The following LNPEP variants were observed in gnomAD, a reference collection of about 807,000 sequenced individuals.
LNPEP encodes leucyl and cystinyl aminopeptidase.
Under a neutral mutation model 120.6 loss-of-function variants are expected in LNPEP, and 64 were observed. That is an observed-to-expected ratio of 0.53 (90% CI 0.43 to 0.65). LNPEP has a LOEUF of 0.65. LNPEP is among the 30% of genes least tolerant of loss of function. The pLI is 0.00. For synonymous variants in LNPEP, 435 were observed against 425.4 expected, an observed-to-expected ratio of 1.02 and a Z score of -0.28; for missense variants, 1,057 against 1,200.0, an observed-to-expected ratio of 0.88 and a Z score of 1.76.
chr5:96,992,769 T>TA (rs991675825), intron 4 of LNPEP, among the ~76,000 whole-genome samples: 108 of 24,066 alleles, frequency 4.5e-3, no homozygotes, highest in African/African-American at 0.02. Context: ...GTTGCTAGCT[T>TA]AAAAAAAAGC....
At chr5:96,979,039 T>C in intron 1 of LNPEP, 99 bp from the exon 2 acceptor site, 1 of 1,373,280 alleles carries the variant, frequency 7.3e-7, no homozygotes, top group African/African-American at 1.4e-5. Context: ...TTAAAAAAAT[T>C]CTTAGTTTAA....
intron 6 of LNPEP, among the ~76,000 whole-genome samples, chr5:96,994,959 T>A (rs1045559283): frequency 6.6e-6 from 1 of 152,074 alleles, no homozygotes; most frequent in African/African-American, 2.4e-5. Context: ...AATACAAAAA[T>A]TAGCTGGGCG....
rs1343046290 is a variant in LNPEP at position 96,992,954 on chromosome 5, T to G, written c.1132-61T>G. On this transcript the variant is annotated intron_variant, in intron 4 of 17. Transcript: ENST00000231368. ...GATATGCTAGTCTTGACAGTGCTACTTGAGTATCATGCCATTTTAATTGTA... is the reference window on the plus strand; with the variant it reads ...GATATGCTAGTCTTGACAGTGCTACGTGAGTATCATGCCATTTTAATTGTA... The G allele has an allele frequency of 1.1e-5, 14 of 1,296,604 alleles. 1 individual carries two copies. The East Asian group carries it at 2.4e-4, about 22-fold the overall frequency. 80.3% of individuals were successfully genotyped at this position (1,296,604 alleles called of 1,614,324 possible).
At chr5:96,977,678 G>A (rs1373504980) in intron 1 of LNPEP, among the ~76,000 whole-genome samples, 1 of 152,138 alleles carries the variant, frequency 6.6e-6, no homozygotes, top group Non-Finnish European at 1.5e-5. Context: ...TCAATAATAT[G>A]TTTTATGGAT....
chr5:96,994,847 C>T (rs570603583), intron 6 of LNPEP, among the ~76,000 whole-genome samples: 73 of 152,206 alleles, frequency 4.8e-4, no homozygotes, highest in Non-Finnish European at 8.1e-4. Context: ...CAGTGGCTCA[C>T]GCCTGTAATC....
At chr5:97,024,808 G>C (rs991508256) in intron 15 of LNPEP, 126 bp downstream of exon 15, 7 of 800,002 alleles carry the variant, frequency 8.7e-6, no homozygotes, top group African/African-American at 7.0e-5. Flanking sequence ...GGCCTAAGTT[G>C]GACAGTGTGG....
At chr5:96,988,088 T>C (rs1182324937) in intron 4 of LNPEP, among the ~76,000 whole-genome samples, 1 of 152,102 alleles carries the variant, frequency 6.6e-6, no homozygotes, top group East Asian at 1.9e-4. Flanking sequence ...GCACTTTTTA[T>C]GTATCCCAAA....
intron 1 of LNPEP, among the ~76,000 whole-genome samples, chr5:96,965,530 T>C (rs946729413): frequency 1.3e-5 from 2 of 152,182 alleles, no homozygotes; most frequent in Non-Finnish European, 2.9e-5. Context: ...ACAATTTTTA[T>C]ATTTTTCATT....
chr5:97,011,763 A>T (rs1309748417), intron 11 of LNPEP, among the ~76,000 whole-genome samples: 2 of 152,232 alleles, frequency 1.3e-5, no homozygotes, highest in Non-Finnish European at 2.9e-5. Context: ...CTGTTGCTGT[A>T]TCAGCAATAT....
chr5:96,977,855 C>T (rs530288928), intron 1 of LNPEP, among the ~76,000 whole-genome samples: 1 of 152,222 alleles, frequency 6.6e-6, no homozygotes, highest in South Asian at 2.1e-4. Context: ...GGGCTCTCAT[C>T]TTTTATTGAA....
intron 12 of LNPEP, among the ~76,000 whole-genome samples, chr5:97,014,416 G>A (rs1359045323): frequency 6.6e-6 from 1 of 152,010 alleles, no homozygotes; most frequent in African/African-American, 2.4e-5. Context: ...TTTATGAAGT[G>A]CCCTTCTTAC....
At chr5:96,938,769 T>C (rs1347980829) in intron 1 of LNPEP, among the ~76,000 whole-genome samples, 1 of 152,210 alleles carries the variant, frequency 6.6e-6, no homozygotes, top group African/African-American at 2.4e-5. Flanking sequence ...TGCTAGGAAT[T>C]CCCATTTAGC....
chr5:97,015,961 A>G (rs966579090), intron 13 of LNPEP, among the ~76,000 whole-genome samples: 3 of 152,094 alleles, frequency 2.0e-5, no homozygotes, highest in Admixed American at 6.6e-5. Flanking sequence ...TTTGTTACAT[A>G]TGTACACAAC....
Position 96,949,087 on chromosome 5 carries a change from G to A in LNPEP, c.19+12913G>A, listed in dbSNP as rs529915885. ...GCCTTAGTGAGGTTTTGAAAAGCTGGGAACTAATGGTGTTTCTTGGATCCT... is the reference window on the plus strand; with the variant it reads ...GCCTTAGTGAGGTTTTGAAAAGCTGAGAACTAATGGTGTTTCTTGGATCCT... On this transcript the variant is annotated intron_variant, in intron 1 of 17. Coordinates refer to ENST00000231368, the MANE Select transcript of LNPEP (RefSeq NM_005575.3). Among the ~76,000 whole-genome samples, 25 of 152,298 alleles carry A rather than the reference G, an allele frequency of 1.6e-4. 1 individual carries two copies. The South Asian group carries it at 4.6e-3, about 28-fold the overall frequency.
chr5:97,018,105 C>T (rs1482777171), intron 13 of LNPEP, among the ~76,000 whole-genome samples: 3 of 152,068 alleles, frequency 2.0e-5, no homozygotes, highest in Admixed American at 6.6e-5. Flanking sequence ...ATTCATAGGT[C>T]CCAGGCAGAC....
chr5:96,950,965 T>C (rs1374032644), intron 1 of LNPEP, among the ~76,000 whole-genome samples: 1 of 152,192 alleles, frequency 6.6e-6, no homozygotes, highest in Non-Finnish European at 1.5e-5. Flanking sequence ...ACAACAGATA[T>C]TTATTTACTT....
At chr5:96,939,578 A>G (rs1278404713) in intron 1 of LNPEP, among the ~76,000 whole-genome samples, 1 of 143,012 alleles carries the variant, frequency 7.0e-6, no homozygotes, top group East Asian at 2.0e-4. Context: ...TGGCATTTTG[A>G]GGTCCCAGAA....
chr5:96,955,400 A>G (rs1014092165), intron 1 of LNPEP, among the ~76,000 whole-genome samples: 9 of 152,096 alleles, frequency 5.9e-5, no homozygotes, highest in African/African-American at 2.2e-4. Flanking sequence ...AGATCACTTG[A>G]GGCCAGTTGT....
chr5:96,979,433 A>G lies in LNPEP; in HGVS notation c.315A>G (p.Val105=), dbSNP rs768542332. 3 of 1,613,948 alleles carry G rather than the reference A, an allele frequency of 1.9e-6. No homozygotes were observed. In the South Asian group the frequency reaches 3.3e-5, roughly 18 times the overall value. Residue 105 remains valine, a synonymous_variant, in exon 2 of 18, where the codon GTA becomes GTG. Transcript: ENST00000231368. The part of the protein sequence containing the change: ...YRQSPDGACS[V]PSARTMVVCA... The stretch of plus-strand genomic sequence containing the variant: ...AGAGCCCAGATGGGGCTTGTTCAGT[A>G]CCCTCTGCAAGGACCATGGTGGTCT...
Sources: allele counts gnomAD v4.1 joint callset (sites outside exome capture counted in the v4.1 genomes callset), GRCh38; gene constraint gnomAD v4.1.1; transcripts MANE v1.5; gene names NCBI Gene and HGNC (gene_info 2026-07-23, HGNC 2026-07-21).